Variants in ZWILCH observed in about 807,000 individuals in gnomAD.
ZWILCH encodes the protein protein zwilch homolog.
A neutral mutation model predicts 79.9 loss-of-function variants in ZWILCH; 74 were observed. The ratio of observed to expected loss-of-function variants is 0.93; its 90% confidence interval spans 0.77 to 1.12. ZWILCH has a LOEUF of 1.12. ZWILCH is among the 50% of genes most tolerant of loss of function. The pLI, the probability that ZWILCH is intolerant of heterozygous loss-of-function variation, is 0.00. For missense variants in ZWILCH, 694 were observed against 687.5 expected (o/e 1.01, Z -0.11); for synonymous variants, 241 against 228.2 (o/e 1.06, Z -0.51).
At position 66,548,771 on chromosome 15, in the gene ZWILCH, A is replaced by G. The variant is rs965927599; in HGVS notation, c.*447A>G. On this transcript the variant is annotated 3_prime_UTR_variant, in exon 19 of 19. Coordinates refer to ENST00000307897, the MANE Select transcript of ZWILCH (RefSeq NM_017975.5). ...AATAGAACTTAGTAAATTAAATGTTATTTGAAAATGTTATAAGAGCTTTGT... is the reference window on the plus strand; with the variant it reads ...AATAGAACTTAGTAAATTAAATGTTGTTTGAAAATGTTATAAGAGCTTTGT... The G allele has an allele frequency of 1.3e-5, 6 of 449,848 alleles. No individual in the cohort carries two copies. Among genetic ancestry groups the G allele is most frequent in the Non-Finnish European group, 2.4e-5 (6 of 250,672 alleles). The allele number at this position is 449,848 out of a possible 1,614,324, so 27.9% of individuals were successfully genotyped here. A position where few individuals can be genotyped will look rare whatever the true frequency, so the allele number is the denominator to read the frequency against.
intron 16 of ZWILCH, among the ~76,000 whole-genome samples, chr15:66,538,123 C>T (rs907617805): frequency 6.6e-6 from 1 of 152,114 alleles, no homozygotes; most frequent in African/African-American, 2.4e-5. Flanking sequence ...AGGTTGCCTC[C>T]AATGAGGGTC....
At chr15:66,543,180 C>A (rs1480589017) in intron 17 of ZWILCH, among the ~76,000 whole-genome samples, 2 of 152,066 alleles carry the variant, frequency 1.3e-5, no homozygotes, top group African/African-American at 2.4e-5. Flanking sequence ...GCCTGGGTGG[C>A]GGAGCAAGAC....
At chr15:66,546,025 A>T (rs1453936766) in intron 17 of ZWILCH, among the ~76,000 whole-genome samples, 1 of 152,196 alleles carries the variant, frequency 6.6e-6, no homozygotes, top group Non-Finnish European at 1.5e-5. Flanking sequence ...TTTGGAGTTA[A>T]TGGAGGAGAA....
At chr15:66,506,253 AAG>A (rs1292542158) in intron 1 of ZWILCH, among the ~76,000 whole-genome samples, 1 of 152,170 alleles carries the variant, frequency 6.6e-6, no homozygotes, top group Non-Finnish European at 1.5e-5. Context: ...TTTGAATAGA[AAG>A]AGCACTAGCT....
rs1180456312 is a variant in ZWILCH, at chr15:66,517,455, T to TATATATATAG, written c.321-1423_321-1422insTATATATAGA. Among the ~76,000 whole-genome samples the TATATATATAG allele has an allele frequency of 4.6e-3, 525 of 115,046 alleles. 20 individuals carry two copies. Among genetic ancestry groups the TATATATATAG allele is most frequent in the East Asian group, 0.012 (47 of 3,910 alleles). The allele number at this position is 115,046 out of a possible 152,430, so 75.5% of individuals were successfully genotyped here. On this transcript the variant is annotated intron_variant, in intron 4 of 18. Coordinates refer to ENST00000307897, the MANE Select transcript of ZWILCH (RefSeq NM_017975.5). ...GTATATATATATATATATATATATA[T>TATATATATAG]AGTAATGTACACACATACACCATTT...
At chr15:66,526,544 C>T (rs545151046) in intron 8 of ZWILCH, among the ~76,000 whole-genome samples, 150 of 152,104 alleles carry the variant, frequency 9.9e-4, no homozygotes, top group Middle Eastern at 3.4e-3. Flanking sequence ...ACTGCAAGCT[C>T]CACCTCCTGG....
In ZWILCH at chr15:66,527,812, G is replaced by A. The variant is rs774417424; in HGVS notation, c.914-45G>A. On this transcript the variant is annotated intron_variant, in intron 9 of 18. Coordinates refer to ENST00000307897, the MANE Select transcript of ZWILCH (RefSeq NM_017975.5). ...ATAGGATTAGGATGGAAATAATTTGGAAAGCAGAAAAATCAAGAGCTAATA... is the reference window on the plus strand; with the variant it reads ...ATAGGATTAGGATGGAAATAATTTGAAAAGCAGAAAAATCAAGAGCTAATA... 6.5e-6 allele frequency: 10 copies of A among 1,536,016 alleles called. No individual in the cohort carries two copies. The South Asian group carries it at 9.4e-5, about 14-fold the overall frequency.
chr15:66,520,295 A>G (rs560055925), intron 5 of ZWILCH, among the ~76,000 whole-genome samples: 1 of 143,068 alleles, frequency 7.0e-6, no homozygotes, highest in South Asian at 2.3e-4. Flanking sequence ...TGTTTTTTTA[A>G]TTTTCTATAG....
intron 16 of ZWILCH, 128 bp downstream of exon 16, chr15:66,537,391 C>T (rs958158339): frequency 3.8e-5 from 22 of 573,686 alleles, no homozygotes; most frequent in Non-Finnish European, 5.7e-5. Context: ...GACCCTGTCT[C>T]TATTAAAAAA....
rs111338259 is a variant in ZWILCH at position 66,509,065 on chromosome 15, G to A, written c.105+173G>A. Among the ~76,000 whole-genome samples, 1,968 of 152,050 alleles carry A rather than the reference G, an allele frequency of 0.013. 35 individuals are homozygous for A. Among genetic ancestry groups the A allele is most frequent in the African/African-American group, 0.045 (1,851 of 41,468 alleles). ...CGCCATTCTCCTGCCTCAGCCTCCC[G>A]AGTAGCTGGAACTACAGGTGCCTGC... On this transcript the variant is annotated intron_variant, in intron 2 of 18. Coordinates refer to ENST00000307897, the MANE Select transcript of ZWILCH (RefSeq NM_017975.5).
intron 8 of ZWILCH, among the ~76,000 whole-genome samples, chr15:66,525,742 A>G (rs1174398589): frequency 6.9e-6 from 1 of 145,770 alleles, no homozygotes; most frequent in Admixed American, 6.9e-5. Context: ...AACAAAAATT[A>G]TATTCACATT....
chr15:66,536,888 GCCTTTC>G (rs386784889), intron 15 of ZWILCH, among the ~76,000 whole-genome samples: 462 of 151,878 alleles, frequency 3.0e-3, no homozygotes, highest in African/African-American at 0.011. Flanking sequence ...TCCCCACGAA[GCCTTTC>G]TTTGGCCTCA....
At chr15:66,525,790 C>T (rs887064997) in intron 8 of ZWILCH, among the ~76,000 whole-genome samples, 4 of 120,744 alleles carry the variant, frequency 3.3e-5, no homozygotes, top group African/African-American at 1.2e-4. Flanking sequence ...GAGACGGAGT[C>T]TCACTCTGTC....
chr15:66,509,040 C>T (rs564330237), intron 2 of ZWILCH, 148 bp downstream of exon 2: 109 of 739,374 alleles, frequency 1.5e-4, no homozygotes, highest in Middle Eastern at 4.4e-4. Context: ...CCCGGGTTCA[C>T]GCCATTCTCC....
intron 14 of ZWILCH, 45 bp from the exon 15 acceptor site, chr15:66,535,888 A>C (rs373635311): frequency 6.4e-7 from 1 of 1,558,398 alleles, no homozygotes; most frequent in East Asian, 2.3e-5. Flanking sequence ...CAAAGGTTAC[A>C]CAGGTGCTTT....
chr15:66,536,215 C>T (rs1895013210), intron 15 of ZWILCH, 146 bp downstream of exon 15: 1 of 601,564 alleles, frequency 1.7e-6, no homozygotes, highest in African/African-American at 1.9e-5. Context: ...TAAGTCAGTG[C>T]CATAGGCAGG....
chr15:66,508,740 C>G (rs1463189798), intron 1 of ZWILCH, 101 bp from the exon 2 acceptor site: 2 of 1,538,308 alleles, frequency 1.3e-6, no homozygotes, highest in African/African-American at 2.8e-5. Flanking sequence ...TTTGCCTTTC[C>G]TATAGGTGTC....
rs1895475046 is a variant in ZWILCH, at chr15:66,548,661, T to TA, written c.*338dup. On this transcript the variant is annotated 3_prime_UTR_variant, in exon 19 of 19. Transcript: ENST00000307897. ...ATGAGAACAGGATCATTTTAGTAAATACAGCTTTATCCCAAAAGCTTTAAC... is the reference window on the plus strand; with the variant it reads ...ATGAGAACAGGATCATTTTAGTAAATAACAGCTTTATCCCAAAAGCTTTAAC... 1.7e-5 allele frequency: 15 copies of TA among 896,346 alleles called. No homozygotes were observed. Among genetic ancestry groups the TA allele is most frequent in the Non-Finnish European group, 2.8e-5 (15 of 536,482 alleles). 55.5% of individuals were successfully genotyped at this position (896,346 alleles called of 1,614,324 possible). A position where few individuals can be genotyped will look rare whatever the true frequency, so the allele number is the denominator to read the frequency against.
intron 5 of ZWILCH, 88 bp downstream of exon 5, chr15:66,519,166 T>TA: frequency 7.4e-7 from 1 of 1,344,182 alleles, no homozygotes; most frequent in Middle Eastern, 2.2e-4. Flanking sequence ...TTGATATTGT[T>TA]ATGATGAAAG....
Sources: allele counts gnomAD v4.1 joint callset (sites outside exome capture counted in the v4.1 genomes callset), GRCh38; gene constraint gnomAD v4.1.1; transcripts MANE v1.5; gene names NCBI Gene and HGNC (gene_info 2026-07-23, HGNC 2026-07-21).